The following ARHGEF4 variants were observed in gnomAD, a reference collection of about 807,000 sequenced individuals.
ARHGEF4 encodes the protein APC-stimulated guanine nucleotide exchange factor 1.
ARHGEF4 carries 119 observed loss-of-function variants against 162.0 expected under a neutral mutation model. That is an observed-to-expected ratio of 0.73 (90% confidence interval 0.63 to 0.86). The LOEUF is 0.86. Among genes scored for constraint, ARHGEF4 ranks in the 40% least tolerant of loss-of-function variants. The probability of loss-of-function intolerance (pLI) is 0.00; values close to 1 mark genes in which losing one functional copy is unlikely to be tolerated. For missense variants in ARHGEF4, 2,488 were observed against 2,456.0 expected (o/e 1.01, Z -0.28); for synonymous variants, 1,014 against 979.9 (o/e 1.03, Z -0.65).
chr2:130,910,881 T>A (rs6430415), intron 1 of ARHGEF4, among the ~76,000 whole-genome samples: 96,493 of 152,164 alleles, frequency 0.63, 33,074 homozygotes, highest in East Asian at 0.91. Context: ...TATAATGAGC[T>A]TATTTTAAAA....
intron 4 of ARHGEF4, among the ~76,000 whole-genome samples, chr2:131,016,473 C>A (rs940308532): frequency 1.3e-5 from 2 of 152,246 alleles, no homozygotes; most frequent in African/African-American, 4.8e-5. Context: ...CCCAGTGCCC[C>A]CCATGCCCAG....
chr2:130,887,967 G>T (rs1679621425), intron 1 of ARHGEF4, among the ~76,000 whole-genome samples: 1 of 152,108 alleles, frequency 6.6e-6, no homozygotes, highest in Non-Finnish European at 1.5e-5. Context: ...GCATCATGCT[G>T]TGTGCCTGGA....
chr2:130,920,377 C>G (rs62178869), intron 2 of ARHGEF4, among the ~76,000 whole-genome samples: 5,460 of 152,300 alleles, frequency 0.036, 113 homozygotes, highest in Middle Eastern at 0.075. Flanking sequence ...ATAAAGTATA[C>G]AGCAAAGGGC....
intron 1 of ARHGEF4, among the ~76,000 whole-genome samples, chr2:130,848,074 C>A (rs1255574425): frequency 6.6e-6 from 1 of 152,204 alleles, no homozygotes; most frequent in Non-Finnish European, 1.5e-5. Flanking sequence ...GGACATGGGG[C>A]CTCTGCCCAG....
intron 4 of ARHGEF4, among the ~76,000 whole-genome samples, chr2:130,995,199 G>A (rs985016582): frequency 1.3e-5 from 2 of 152,080 alleles, no homozygotes; most frequent in African/African-American, 4.8e-5. Context: ...AGCATCTCTC[G>A]CCTTCTCCTC....
At chr2:131,014,508 A>C (rs1380523914) in intron 4 of ARHGEF4, among the ~76,000 whole-genome samples, 2 of 152,236 alleles carry the variant, frequency 1.3e-5, no homozygotes, top group Non-Finnish European at 2.9e-5. Flanking sequence ...TTTGGAAGCA[A>C]CTGAAATCTT....
intron 1 of ARHGEF4, among the ~76,000 whole-genome samples, chr2:130,901,602 C>T (rs1680493972): frequency 6.6e-6 from 1 of 151,886 alleles, no homozygotes. Flanking sequence ...CTCACTGCAA[C>T]CTCTGCCTCC....
Position 130,916,942 on chromosome 2 carries a change from T to G in ARHGEF4, c.2996T>G (p.Val999Gly). The change falls in exon 2 of 14, where the codon GTT (valine) becomes GGT (glycine). Residue 999 changes from valine to glycine, a missense_variant. Physicochemically the swap from Val to Gly is moderately radical, Grantham distance 109. Around this residue, in one of 6 missense-constraint regions of ARHGEF4, gnomAD observed 1,642 missense variants for 1,481.5 expected, o/e 1.11. Transcript: ENST00000409359. ...CGGGCGGAGGACAAAGAGGGCTATG[T>G]TTTTAGCGATCACTGGGCACCCCCA... ...EERAEDKEGY[V>G]FSDHWAPPLA... 1 of 1,550,660 alleles carries G rather than the reference T, an allele frequency of 6.4e-7. No individual in the cohort carries two copies. Among genetic ancestry groups the G allele is most frequent in the African/African-American group, 1.4e-5 (1 of 73,106 alleles).
intron 4 of ARHGEF4, among the ~76,000 whole-genome samples, chr2:130,978,531 T>C (rs1685903606): frequency 6.6e-6 from 1 of 152,230 alleles, no homozygotes; most frequent in South Asian, 2.1e-4. Flanking sequence ...CAAGACTATT[T>C]CAGTCAAAGC....
intron 4 of ARHGEF4, among the ~76,000 whole-genome samples, chr2:130,956,584 T>C (rs1216346009): frequency 6.7e-6 from 1 of 150,074 alleles, no homozygotes. Context: ...TGTCCAACAA[T>C]GATAGACTGG....
intron 2 of ARHGEF4, among the ~76,000 whole-genome samples, chr2:130,918,322 A>T (rs542297084): frequency 6.6e-6 from 1 of 152,276 alleles, no homozygotes; most frequent in South Asian, 2.1e-4. Context: ...TCTGTCCAGG[A>T]TAGGTTAGCA....
chr2:130,979,099 G>T (rs1302408179), intron 4 of ARHGEF4, among the ~76,000 whole-genome samples: 1 of 152,148 alleles, frequency 6.6e-6, no homozygotes, highest in Non-Finnish European at 1.5e-5. Context: ...ATCAATTGTG[G>T]ATGACAAAAG....
intron 1 of ARHGEF4, among the ~76,000 whole-genome samples, chr2:130,838,950 G>A (rs1315597025): frequency 6.7e-6 from 1 of 148,472 alleles, no homozygotes; most frequent in Admixed American, 6.6e-5. Context: ...AAGTATTCCT[G>A]ACACACACGG....
At chr2:130,877,163 G>A (rs762710036) in intron 1 of ARHGEF4, among the ~76,000 whole-genome samples, 19 of 152,166 alleles carry the variant, frequency 1.2e-4, no homozygotes, top group Non-Finnish European at 2.5e-4. Context: ...CCAGGGTAAG[G>A]GGGACGCAGG....
At chr2:130,988,055 G>A (rs1004610487) in intron 4 of ARHGEF4, among the ~76,000 whole-genome samples, 2 of 152,184 alleles carry the variant, frequency 1.3e-5, no homozygotes, top group Admixed American at 6.5e-5. Flanking sequence ...GAGGATTAAA[G>A]GAAGTCATGC....
intron 1 of ARHGEF4, among the ~76,000 whole-genome samples, chr2:130,907,126 C>T (rs547146314): frequency 1.3e-5 from 2 of 151,818 alleles, no homozygotes; most frequent in Admixed American, 6.6e-5. Context: ...ATACAATATG[C>T]AGTCTTTTGA....
intron 4 of ARHGEF4, among the ~76,000 whole-genome samples, chr2:131,010,839 A>G (rs1016305622): frequency 6.6e-6 from 1 of 152,262 alleles, no homozygotes; most frequent in Non-Finnish European, 1.5e-5. Context: ...AGCTAAAGCC[A>G]CATCCTGACA....
chr2:130,959,268 T>C (rs1216347330), intron 4 of ARHGEF4, among the ~76,000 whole-genome samples: 1 of 152,002 alleles, frequency 6.6e-6, no homozygotes, highest in Non-Finnish European at 1.5e-5. Context: ...ACTTCCTTCT[T>C]TTATTGCCAG....
intron 4 of ARHGEF4, among the ~76,000 whole-genome samples, chr2:130,961,721 A>T (rs1296314932): frequency 6.6e-6 from 1 of 152,110 alleles, no homozygotes; most frequent in Non-Finnish European, 1.5e-5. Flanking sequence ...AGAAACGGAC[A>T]ACTTGGACAT....
Sources: gnomAD v4.1 joint callset for allele counts (sites outside exome capture counted in the v4.1 genomes callset) on GRCh38, gnomAD v4.1.1 for gene constraint, gnomAD v4.1.1 regional missense constraint, MANE v1.5 for transcripts, NCBI Gene and HGNC (gene_info 2026-07-23, HGNC 2026-07-21) for gene names.